CSMD3: variants seen among roughly 807,000 people sequenced by gnomAD.
The protein encoded by CSMD3 is CUB and sushi domain-containing protein 3.
Under a neutral mutation model 435.2 loss-of-function variants are expected in CSMD3, and 177 were observed. The observed-to-expected ratio is 0.41, with a 90% CI of 0.36 to 0.46. CSMD3 has a LOEUF of 0.46. Among genes scored for constraint, CSMD3 ranks in the 20% least tolerant of loss-of-function variants. The pLI is 0.34. For synonymous variants in CSMD3, 1,656 were observed against 1,520.5 expected, an observed-to-expected ratio of 1.09 and a Z score of -2.07; for missense variants, 4,265 against 4,504.6, an observed-to-expected ratio of 0.95 and a Z score of 1.52.
chr8:113,376,682 C>T (rs1435901450), intron 1 of CSMD3: 1 of 1,607,002 alleles, frequency 6.2e-7, no homozygotes, highest in East Asian at 2.2e-5. Context: ...GGAGTTGACA[C>T]CCGCCACAAG....
At chr8:113,050,451 G>A (rs1408221115) in intron 5 of CSMD3, among the ~76,000 whole-genome samples, 8 of 151,960 alleles carry the variant, frequency 5.3e-5, no homozygotes, top group Non-Finnish European at 7.4e-5. Context: ...TTATAAGCTT[G>A]CCAACAGAGT....
At chr8:112,822,870 T>A (rs2079565449) in intron 12 of CSMD3, among the ~76,000 whole-genome samples, 2 of 152,206 alleles carry the variant, frequency 1.3e-5, no homozygotes, top group Non-Finnish European at 2.9e-5. Context: ...ATTGAAGGCC[T>A]TTTCTGCATC....
intron 44 of CSMD3, 39 bp downstream of exon 44, chr8:112,336,613 A>G (rs778245650): frequency 2.1e-6 from 3 of 1,429,530 alleles, no homozygotes; most frequent in South Asian, 1.1e-5. Flanking sequence ...TTTACTGTGT[A>G]TATAATTGAA....
chr8:112,254,217 A>C, intron 63 of CSMD3, 36 bp downstream of exon 63: 1 of 1,423,864 alleles, frequency 7.0e-7, no homozygotes, highest in Non-Finnish European at 9.9e-7. Context: ...ATTCTGACCT[A>C]GTATGATGCT....
chr8:113,116,698 C>T (rs56346039), intron 4 of CSMD3, among the ~76,000 whole-genome samples: 14,634 of 152,102 alleles, frequency 0.096, 909 homozygotes, highest in Middle Eastern at 0.17. Flanking sequence ...AGAGAGGGCT[C>T]AGAAAACAGG....
intron 11 of CSMD3, among the ~76,000 whole-genome samples, chr8:112,835,502 C>T (rs984738306): frequency 1.1e-4 from 16 of 151,846 alleles, no homozygotes; most frequent in Admixed American, 5.9e-4. Flanking sequence ...TGAATATCCT[C>T]CTTTTGTCTG....
intron 5 of CSMD3, among the ~76,000 whole-genome samples, chr8:113,032,338 T>C (rs1047279973): frequency 2.0e-5 from 3 of 151,532 alleles, no homozygotes; most frequent in South Asian, 2.1e-4. Context: ...CTATGGACAA[T>C]GAAGTACAGG....
At chr8:112,682,200 T>C (rs984636639) in intron 16 of CSMD3, among the ~76,000 whole-genome samples, 2 of 152,186 alleles carry the variant, frequency 1.3e-5, no homozygotes, top group Admixed American at 6.5e-5. Flanking sequence ...TACCATTCAT[T>C]AATCTTTATC....
At chr8:112,872,440 A>C (rs1229777643) in intron 10 of CSMD3, among the ~76,000 whole-genome samples, 2 of 152,074 alleles carry the variant, frequency 1.3e-5, no homozygotes, top group Non-Finnish European at 2.9e-5. Context: ...AAAGAATTAA[A>C]ATCAGCAAGA....
At position 112,301,982 on chromosome 8, in the gene CSMD3, T is replaced by C. The variant is rs763937846; in HGVS notation, c.8267-16A>G. 9.0e-6 allele frequency: 14 copies of C among 1,547,004 alleles called. No individual in the cohort carries two copies. The highest frequency in any genetic ancestry group is 1.1e-5 in the Non-Finnish European group (12 of 1,121,028). ...CAGGAAATAACTTTAAAATGATAAA[T>C]AAATAAAAATCCTTAAAGATATAGT... On this transcript the variant is annotated splice_polypyrimidine_tract_variant and intron_variant, in intron 52 of 70. Coordinates refer to ENST00000297405, the MANE Select transcript of CSMD3 (RefSeq NM_198123.2).
chr8:112,397,343 A>C (rs1384523499), intron 35 of CSMD3, among the ~76,000 whole-genome samples: 1 of 152,142 alleles, frequency 6.6e-6, no homozygotes, highest in Non-Finnish European at 1.5e-5. Context: ...ATGGATTTAC[A>C]CCTGTTCCAC....
chr8:112,529,169 G>T (rs1825282177), intron 27 of CSMD3, among the ~76,000 whole-genome samples: 1 of 152,118 alleles, frequency 6.6e-6, no homozygotes, highest in Admixed American at 6.6e-5. Flanking sequence ...TGCCGGGATT[G>T]CCTAAAGAAC....
At chr8:113,217,671 G>C (rs933291563) in intron 3 of CSMD3, among the ~76,000 whole-genome samples, 3 of 151,470 alleles carry the variant, frequency 2.0e-5, no homozygotes, top group Non-Finnish European at 4.4e-5. Context: ...GAAGAACAGA[G>C]AGAAACAAAG....
chr8:113,243,412 G>A (rs1441808223), intron 3 of CSMD3, among the ~76,000 whole-genome samples: 2 of 151,910 alleles, frequency 1.3e-5, no homozygotes, highest in Non-Finnish European at 2.9e-5. Flanking sequence ...TTCAAGGTTC[G>A]TGCATGTTGT....
chr8:112,559,201 G>T (rs1828393760), intron 24 of CSMD3, among the ~76,000 whole-genome samples: 1 of 151,964 alleles, frequency 6.6e-6, no homozygotes, highest in South Asian at 2.1e-4. Context: ...TGTGAGGAAG[G>T]TTTATGTTTA....
intron 5 of CSMD3, among the ~76,000 whole-genome samples, chr8:113,064,524 C>G (rs1437031340): frequency 6.6e-6 from 1 of 152,044 alleles, no homozygotes; most frequent in African/African-American, 2.4e-5. Context: ...CTTCACTCTC[C>G]AAATGTATTT....
intron 6 of CSMD3, among the ~76,000 whole-genome samples, chr8:113,013,220 GT>G (rs1005455726): frequency 1.3e-5 from 2 of 152,006 alleles, no homozygotes; most frequent in African/African-American, 4.8e-5. Flanking sequence ...AAGAAAAAGT[GT>G]TTTTCCCTTG....
chr8:112,709,309 T>C (rs1462457721), intron 13 of CSMD3, among the ~76,000 whole-genome samples: 2 of 152,158 alleles, frequency 1.3e-5, no homozygotes, highest in East Asian at 1.9e-4. Context: ...GACTTTTATA[T>C]TGAAAAATAG....
intron 2 of CSMD3, among the ~76,000 whole-genome samples, chr8:113,301,241 A>G (rs1433498521): frequency 6.6e-6 from 1 of 152,104 alleles, no homozygotes; most frequent in East Asian, 1.9e-4. Context: ...ATTGGTGCTG[A>G]TTTTAATAAA....
Sources: gnomAD v4.1 joint callset for allele counts (sites outside exome capture counted in the v4.1 genomes callset) on GRCh38, gnomAD v4.1.1 for gene constraint, MANE v1.5 for transcripts, NCBI Gene and HGNC (gene_info 2026-07-23, HGNC 2026-07-21) for gene names.